Variants in NECTIN3 observed in about 807,000 individuals in gnomAD.
NECTIN3 encodes nectin-3.
NECTIN3 carries 8 observed loss-of-function variants against 49.4 expected under a neutral mutation model. The ratio of observed to expected loss-of-function variants is 0.16; its 90% CI spans 0.10 to 0.29. The LOEUF (loss-of-function observed/expected upper bound fraction) is 0.29, where lower values mean the gene tolerates loss of function less well. NECTIN3 is among the 10% of genes least tolerant of loss of function. The pLI, the probability that NECTIN3 is intolerant of heterozygous loss-of-function variation, is 1.00. For missense variants in NECTIN3, 581 were observed against 654.6 expected (o/e 0.89, Z 1.23); for synonymous variants, 277 against 241.1 (o/e 1.15, Z -1.38).
chr3:111,120,338 G>A (rs1475031831), intron 3 of NECTIN3, among the ~76,000 whole-genome samples: 2 of 151,850 alleles, frequency 1.3e-5, no homozygotes, highest in Admixed American at 6.6e-5. Context: ...CTCCTAAAAT[G>A]TTCTTAGAAT....
chr3:111,144,801 T>C, intron 5 of NECTIN3: 3 of 1,335,460 alleles, frequency 2.2e-6, no homozygotes, highest in Non-Finnish European at 3.0e-6. Flanking sequence ...TTGGATAACA[T>C]ACTTCAGTCA....
chr3:111,140,952 A>G (rs1372010377), downstream of NECTIN3, among the ~76,000 whole-genome samples: 1 of 151,878 alleles, frequency 6.6e-6, no homozygotes, highest in African/African-American at 2.4e-5. Context: ...TACTTCCTGG[A>G]TGACATATAT....
intron 3 of NECTIN3, among the ~76,000 whole-genome samples, chr3:111,120,772 A>G (rs1167580917): frequency 6.6e-6 from 1 of 152,084 alleles, no homozygotes; most frequent in Non-Finnish European, 1.5e-5. Context: ...ATACATAACT[A>G]GCACTTCATT....
intron 1 of NECTIN3, among the ~76,000 whole-genome samples, chr3:111,104,245 A>G (rs976861503): frequency 6.9e-6 from 1 of 145,862 alleles, no homozygotes; most frequent in African/African-American, 2.5e-5. Context: ...TTTAGTTTAC[A>G]TTTCCTTAAA....
chr3:111,073,962 C>T (rs564608035), intron 1 of NECTIN3, among the ~76,000 whole-genome samples: 2 of 151,044 alleles, frequency 1.3e-5, no homozygotes, highest in South Asian at 4.2e-4. Flanking sequence ...ATTTTTAATT[C>T]AGAGCTTAAA....
chr3:111,125,815 AT>A (rs1243928998), intron 4 of NECTIN3, among the ~76,000 whole-genome samples: 2 of 152,210 alleles, frequency 1.3e-5, no homozygotes, highest in African/African-American at 4.8e-5. Context: ...TGGATCTCTG[AT>A]TCAATGAGAA....
At chr3:111,115,678 A>G (rs2033662967) in intron 2 of NECTIN3, among the ~76,000 whole-genome samples, 1 of 152,238 alleles carries the variant, frequency 6.6e-6, no homozygotes, top group Non-Finnish European at 1.5e-5. Context: ...ACTTGTGATT[A>G]GGAAGATGGG....
At chr3:111,093,912 GT>G (rs2032424986) in intron 1 of NECTIN3, among the ~76,000 whole-genome samples, 1 of 152,174 alleles carries the variant, frequency 6.6e-6, no homozygotes, top group South Asian at 2.1e-4. Flanking sequence ...TGCTTTTAGT[GT>G]GTCATAACTT....
chr3:111,114,892 G>A (rs1188958209), intron 2 of NECTIN3, among the ~76,000 whole-genome samples: 1 of 152,044 alleles, frequency 6.6e-6, no homozygotes, highest in Admixed American at 6.5e-5. Flanking sequence ...CCTGTACACA[G>A]GTTCCATAGG....
At chr3:111,174,260 T>C (rs1404048676) in intron 7 of NECTIN3, among the ~76,000 whole-genome samples, 1 of 152,244 alleles carries the variant, frequency 6.6e-6, no homozygotes, top group African/African-American at 2.4e-5. Context: ...CAGTATGTTA[T>C]CTACAATTTC....
chr3:111,124,255 A>T (rs1254927964), intron 4 of NECTIN3, among the ~76,000 whole-genome samples: 1 of 152,122 alleles, frequency 6.6e-6, no homozygotes, highest in Non-Finnish European at 1.5e-5. Context: ...TTTTTGAGTA[A>T]ATCATTTAAC....
At chr3:111,140,020 A>G (rs2034702238), downstream of NECTIN3, among the ~76,000 whole-genome samples, 1 of 151,780 alleles carries the variant, frequency 6.6e-6, no homozygotes, top group African/African-American at 2.4e-5. Flanking sequence ...TTTATTTTCA[A>G]TTTTATACTT....
chr3:111,188,796 C>G (rs369867706), upstream of NECTIN3, among the ~76,000 whole-genome samples: 25 of 152,268 alleles, frequency 1.6e-4, no homozygotes, highest in African/African-American at 5.8e-4. Context: ...CAGTTCTTAA[C>G]CCAGGGTGTT....
rs2034578961 is a variant in NECTIN3 at position 111,136,465 on chromosome 3, G to A, written c.*2250G>A. The A allele has an allele frequency of 1.0e-6, 1 of 984,050 alleles. No individual in the cohort carries two copies. The highest frequency in any genetic ancestry group is 1.2e-6 in the Non-Finnish European group (1 of 828,916). 61.0% of individuals were successfully genotyped at this position (984,050 alleles called of 1,614,324 possible). A position where few individuals can be genotyped will look rare whatever the true frequency, so the allele number is the denominator to read the frequency against. ...ATCCAATCATTTGGCAAACTAAAAG[G>A]TTTCTGTGTTGTAAGAATCTGATAC... On this transcript the variant is annotated 3_prime_UTR_variant, in exon 6 of 6. Coordinates refer to ENST00000485303, the MANE Select transcript of NECTIN3 (RefSeq NM_015480.3).
In NECTIN3 at chr3:111,118,802, A is replaced by G. The variant is rs1317577704; in HGVS notation, c.649A>G (p.Thr217Ala). 1.2e-6 allele frequency: 2 copies of G among 1,614,148 alleles called. No homozygotes were observed. Among genetic ancestry groups the G allele is most frequent in the South Asian group, 2.2e-5 (2 of 91,084 alleles). The change falls in exon 3 of 6, where the codon ACA becomes GCA. Residue 217 changes from threonine (T) to alanine (A), a missense_variant. Physicochemically the swap from Thr to Ala is moderately conservative, Grantham distance 58. Coordinates refer to ENST00000485303, the MANE Select transcript of NECTIN3 (RefSeq NM_015480.3). ...EGDLGEMEST[T>A]TSFPNETATI... Reference sequence around the variant, plus strand: ...TGATCTTGGTGAAATGGAATCCACTACAACTTCTTTTCCAAATGAAACGGC... The same window carrying G: ...TGATCTTGGTGAAATGGAATCCACTGCAACTTCTTTTCCAAATGAAACGGC...
At chr3:111,165,108 G>A (rs538526982) in intron 7 of NECTIN3, among the ~76,000 whole-genome samples, 1 of 152,020 alleles carries the variant, frequency 6.6e-6, no homozygotes. Flanking sequence ...GTGCCACTCA[G>A]TCTCAGCTCA....
At chr3:111,172,555 G>T (rs900122246) in intron 7 of NECTIN3, among the ~76,000 whole-genome samples, 1 of 152,076 alleles carries the variant, frequency 6.6e-6, no homozygotes, top group African/African-American at 2.4e-5. Flanking sequence ...ATGTAAGATG[G>T]TATTGTGTTC....
At chr3:111,129,028 A>G (rs947657911) in intron 5 of NECTIN3, among the ~76,000 whole-genome samples, 1 of 152,078 alleles carries the variant, frequency 6.6e-6, no homozygotes, top group Non-Finnish European at 1.5e-5. Flanking sequence ...TTCATTTCTT[A>G]TATGTTTTGC....
chr3:111,089,437 A>G (rs938939649), intron 1 of NECTIN3, among the ~76,000 whole-genome samples: 5 of 150,324 alleles, frequency 3.3e-5, no homozygotes, highest in African/African-American at 1.2e-4. Context: ...GTGTATGTAT[A>G]TAAACATATA....
Sources: allele counts gnomAD v4.1 joint callset (sites outside exome capture counted in the v4.1 genomes callset), GRCh38; gene constraint gnomAD v4.1.1; transcripts MANE v1.5; gene names NCBI Gene and HGNC (gene_info 2026-07-23, HGNC 2026-07-21).